AFAP1: variants seen among roughly 807,000 people sequenced by gnomAD.
AFAP1 encodes actin filament-associated protein 1.
AFAP1 carries 75 observed loss-of-function variants against 93.9 expected under a neutral mutation model. The ratio of observed to expected loss-of-function variants is 0.80; its 90% CI spans 0.66 to 0.97. AFAP1 has a LOEUF of 0.97. Among genes scored for constraint, AFAP1 ranks in the 50% least tolerant of loss-of-function variants. The pLI is 0.00. For synonymous variants in AFAP1, 517 were observed against 430.7 expected, an observed-to-expected ratio of 1.20 and a Z score of -2.48; for missense variants, 1,201 against 1,050.8, an observed-to-expected ratio of 1.14 and a Z score of -1.98.
At chr4:7,903,252 T>C (rs771659531) in intron 1 of AFAP1, among the ~76,000 whole-genome samples, 6 of 152,250 alleles carry the variant, frequency 3.9e-5, no homozygotes, top group South Asian at 4.1e-4. Flanking sequence ...AGGGAACATA[T>C]ATTTTTGTAG....
intron 1 of AFAP1, among the ~76,000 whole-genome samples, chr4:7,937,351 T>G (rs928493528): frequency 1.3e-5 from 2 of 152,230 alleles, no homozygotes; most frequent in African/African-American, 4.8e-5. Flanking sequence ...TATATTTGCT[T>G]GAAAGAATTA....
rs1713831891 is a variant in AFAP1, at chr4:7,761,741, C to T, written c.*2024G>A. On this transcript the variant is annotated 3_prime_UTR_variant, in exon 18 of 18. Transcript: ENST00000420658. ...AATCTATGGAGGAGCAAACTTTTTT[C>T]CCTTTATAGAAAATTCATTTTGTGT... 1 of 152,206 alleles carries T rather than the reference C, an allele frequency of 6.6e-6. No individual in the cohort carries two copies. The highest frequency in any genetic ancestry group is 6.5e-5 in the Admixed American group (1 of 15,278). 9.4% of individuals were successfully genotyped at this position (152,206 alleles called of 1,614,324 possible).
intron 6 of AFAP1, among the ~76,000 whole-genome samples, chr4:7,831,478 T>C (rs971445384): frequency 6.6e-6 from 1 of 152,108 alleles, no homozygotes; most frequent in Non-Finnish European, 1.5e-5. Flanking sequence ...GCCTCTGATC[T>C]ATAAGTAGCT....
rs200263845 is a variant in AFAP1 at position 7,819,067 on chromosome 4, C to T, written c.822+9G>A. The T allele has an allele frequency of 5.1e-5, 82 of 1,596,304 alleles. No homozygotes were observed. Among genetic ancestry groups the T allele is most frequent in the Middle Eastern group, 3.4e-4 (2 of 5,844 alleles). ...CACCGTCCCCACCCAGCAAGAGCAG[C>T]GCCCTTACCTTCTCCAGTTCTGCCT... On this transcript the variant is annotated intron_variant, in intron 7 of 17. Transcript: ENST00000420658.
At position 7,874,530 on chromosome 4, in the gene AFAP1, ATTTTTTTTTTTTTTTTTTT is replaced by A. The variant is rs71175435; in HGVS notation, c.-2-2469_-2-2451del. 4.9e-4 allele frequency among the ~76,000 whole-genome samples: 25 copies of A among 51,508 alleles called. 1 individual carries two copies. In the East Asian group the frequency reaches 5.4e-3, roughly 11 times the overall value. The allele number at this position is 51,508 out of a possible 152,430, so 33.8% of individuals were successfully genotyped here. A position where few individuals can be genotyped will look rare whatever the true frequency, so the allele number is the denominator to read the frequency against. ...AGGCACCTACCACCATGCCCAGCTA[ATTTTTTTTTTTTTTTTTTT>A]TTTTTTTTTTTTTTTAGTAGAAACA... On this transcript the variant is annotated intron_variant, in intron 1 of 17. Coordinates refer to ENST00000420658, the MANE Select transcript of AFAP1 (RefSeq NM_001134647.2).
chr4:7,925,336 G>A (rs989073080), intron 1 of AFAP1, among the ~76,000 whole-genome samples: 12 of 152,166 alleles, frequency 7.9e-5, no homozygotes, highest in African/African-American at 2.9e-4. Flanking sequence ...AACCAGGGAA[G>A]GAACCACATG....
intron 10 of AFAP1, among the ~76,000 whole-genome samples, chr4:7,796,708 AC>A (rs1289291152): frequency 4.2e-5 from 5 of 117,996 alleles, no homozygotes; most frequent in Non-Finnish European, 3.6e-5. Flanking sequence ...CTGAGATCAC[AC>A]CACTGCACTC....
At chr4:7,931,514 T>G (rs934425752) in intron 1 of AFAP1, among the ~76,000 whole-genome samples, 2 of 151,788 alleles carry the variant, frequency 1.3e-5, no homozygotes, top group South Asian at 2.1e-4. Context: ...CCTGAGTAGC[T>G]AGAATCACAG....
intron 11 of AFAP1, among the ~76,000 whole-genome samples, chr4:7,788,276 C>CA (rs1293387879): frequency 6.6e-6 from 1 of 152,190 alleles, no homozygotes; most frequent in African/African-American, 2.4e-5. Context: ...GAAAACACAG[C>CA]GTAAGTGAAA....
intron 1 of AFAP1, among the ~76,000 whole-genome samples, chr4:7,936,801 T>C (rs1721414607): frequency 6.6e-6 from 1 of 152,152 alleles, no homozygotes; most frequent in Non-Finnish European, 1.5e-5. Context: ...CAGGATGGTC[T>C]CCATCTTCTA....
intron 10 of AFAP1, chr4:7,799,075 A>G: frequency 1.4e-5 from 14 of 986,044 alleles, no homozygotes; most frequent in Non-Finnish European, 1.7e-5. Flanking sequence ...TACAAGGTAC[A>G]CTGACTCTAG....
At chr4:7,784,046 G>A (rs1717032074) in intron 12 of AFAP1, among the ~76,000 whole-genome samples, 1 of 146,718 alleles carries the variant, frequency 6.8e-6, no homozygotes, top group African/African-American at 2.6e-5. Flanking sequence ...CTCAGGGGCT[G>A]GAATCTAGGG....
At chr4:7,937,430 GC>G (rs1199839396) in intron 1 of AFAP1, among the ~76,000 whole-genome samples, 2 of 152,200 alleles carry the variant, frequency 1.3e-5, no homozygotes, top group Non-Finnish European at 2.9e-5. Context: ...GAAAAATGAA[GC>G]CCAGAAGAGA....
At chr4:7,766,377 A>T (rs1358890714) in intron 17 of AFAP1, among the ~76,000 whole-genome samples, 2 of 152,200 alleles carry the variant, frequency 1.3e-5, no homozygotes, top group Non-Finnish European at 2.9e-5. Context: ...TGGGGTTTTC[A>T]GAGAGGGAGG....
At position 7,780,287 on chromosome 4, in the gene AFAP1, C is replaced by T. The variant is rs564337069; in HGVS notation, c.1782+1089G>A. Reference sequence around the variant, plus strand: ...GATCTGAACAACCGTCATGAAAAATCAAAAAGCAACACCAACCTGTGCATT... The same window carrying T: ...GATCTGAACAACCGTCATGAAAAATTAAAAAGCAACACCAACCTGTGCATT... On this transcript the variant is annotated intron_variant, in intron 13 of 17. Coordinates refer to ENST00000420658, the MANE Select transcript of AFAP1 (RefSeq NM_001134647.2). Among the ~76,000 whole-genome samples, 4 of 152,334 alleles carry T rather than the reference C, an allele frequency of 2.6e-5. No individual in the cohort carries two copies. The East Asian group carries it at 7.7e-4, about 29-fold the overall frequency.
chr4:7,905,725 G>A (rs920539190), intron 1 of AFAP1, among the ~76,000 whole-genome samples: 16 of 152,176 alleles, frequency 1.1e-4, no homozygotes, highest in African/African-American at 3.6e-4. Flanking sequence ...ACAGATGACC[G>A]CAGCACAGTG....
chr4:7,778,176 T>C (rs527608036), intron 14 of AFAP1: 1 of 153,956 alleles, frequency 6.5e-6, no homozygotes, highest in Non-Finnish European at 1.4e-5. Flanking sequence ...CTCATTTCTA[T>C]GATGGGGTAG....
chr4:7,772,400 A>C (rs1715563329), intron 16 of AFAP1: 1 of 158,164 alleles, frequency 6.3e-6, no homozygotes, highest in Admixed American at 6.4e-5. Flanking sequence ...GTTCTGTTTG[A>C]TTCTAAGAGG....
intron 3 of AFAP1, among the ~76,000 whole-genome samples, chr4:7,857,574 C>A (rs1297103654): frequency 1.3e-5 from 2 of 152,206 alleles, no homozygotes. Context: ...TCATATCTTC[C>A]TACAGACGCA....
Sources: gnomAD v4.1 joint callset for allele counts (sites outside exome capture counted in the v4.1 genomes callset) on GRCh38, gnomAD v4.1.1 for gene constraint, MANE v1.5 for transcripts, NCBI Gene and HGNC (gene_info 2026-07-23, HGNC 2026-07-21) for gene names.